The following TUSC3 variants were observed in gnomAD, a reference collection of about 807,000 sequenced individuals.
The protein encoded by TUSC3 is tumor suppressor candidate 3, also known as dolichyl-diphosphooligosaccharide--protein glycosyltransferase subunit TUSC3.
In TUSC3, 45 loss-of-function variants were observed where a neutral mutation model predicts 44.8. The observed-to-expected ratio is 1.00, with a 90% CI of 0.79 to 1.29. The LOEUF (loss-of-function observed/expected upper bound fraction) is 1.29. Ranked by LOEUF, TUSC3 falls within the 50% of genes most tolerant of loss-of-function variation. The pLI, the probability that TUSC3 is intolerant of heterozygous loss-of-function variation, is 0.00. For synonymous variants in TUSC3, 212 were observed against 152.9 expected, an observed-to-expected ratio of 1.39 and a Z score of -2.85; for missense variants, 519 against 437.9, an observed-to-expected ratio of 1.19 and a Z score of -1.65.
intron 1 of TUSC3, among the ~76,000 whole-genome samples, chr8:15,435,924 G>C (rs1013838759): frequency 1.3e-5 from 2 of 152,114 alleles, no homozygotes; most frequent in Non-Finnish European, 2.9e-5. Context: ...CATTGCTTCT[G>C]TTGGTTAGGG....
At chr8:15,501,604 A>G (rs1028755351) in intron 2 of TUSC3, among the ~76,000 whole-genome samples, 2 of 152,188 alleles carry the variant, frequency 1.3e-5, no homozygotes, top group Non-Finnish European at 2.9e-5. Flanking sequence ...AAGAAGCTAC[A>G]ATGGTTTATG....
At chr8:15,783,487 T>A in the TUSC3 span, among the ~76,000 whole-genome samples, 6 of 152,212 alleles carry the variant, frequency 3.9e-5, no homozygotes, top group South Asian at 1.2e-3. Flanking sequence ...TACAAAGCTA[T>A]GGTATTCAAA....
At chr8:15,850,595 A>G in the TUSC3 span, among the ~76,000 whole-genome samples, 3 of 152,270 alleles carry the variant, frequency 2.0e-5, no homozygotes, top group East Asian at 1.9e-4. Context: ...TCAGTAGGCT[A>G]TAAGTTACTG....
At chr8:15,554,806 C>T (rs918113193) in intron 1 of TUSC3, among the ~76,000 whole-genome samples, 3 of 150,706 alleles carry the variant, frequency 2.0e-5, no homozygotes, top group South Asian at 2.1e-4. Flanking sequence ...GGGGTTTCAC[C>T]GTGTTAGCCA....
chr8:15,456,060 G>C (rs985250712), intron 1 of TUSC3, among the ~76,000 whole-genome samples: 1 of 152,150 alleles, frequency 6.6e-6, no homozygotes, highest in African/African-American at 2.4e-5. Context: ...ATGTGTAGGA[G>C]GATCATTTCC....
intron 1 of TUSC3, among the ~76,000 whole-genome samples, chr8:15,581,446 G>A (rs1470724592): frequency 1.3e-5 from 2 of 148,778 alleles, no homozygotes; most frequent in Non-Finnish European, 3.0e-5. Context: ...CATCTTTGTG[G>A]TTTTATCTAC....
In TUSC3 at chr8:15,562,006, A is replaced by G. The variant is rs148411255; in HGVS notation, c.138+21438A>G. 8.6e-3 allele frequency among the ~76,000 whole-genome samples: 1,316 copies of G among 152,264 alleles called. 15 individuals are homozygous for G. Among genetic ancestry groups the G allele is most frequent in the Non-Finnish European group, 0.014 (933 of 68,014 alleles). ...GGAGCTGTAGACAGGAGCTGTTCCT[A>G]TTCGGCCATCTTGGCTCCTCTCTTC... On this transcript the variant is annotated intron_variant, in intron 1 of 10. Coordinates refer to ENST00000503731, the MANE Select transcript of TUSC3 (RefSeq NM_006765.4).
rs147960027 is a variant in TUSC3, at chr8:15,676,589, A to T, written c.798+2753A>T. On this transcript the variant is annotated intron_variant, in intron 6 of 10. Coordinates refer to ENST00000503731, the MANE Select transcript of TUSC3 (RefSeq NM_006765.4). ...GGTATTTCCTGGGTTGTTCCAGGGG[A>T]CATTTTCCAGCGGACATTTGGTAGT... is the stretch of plus-strand genomic sequence containing the variant. 6.7e-4 allele frequency among the ~76,000 whole-genome samples: 102 copies of T among 152,166 alleles called. 1 individual carries two copies. Among genetic ancestry groups the T allele is most frequent in the African/African-American group, 2.4e-3 (99 of 41,520 alleles).
the TUSC3 span, among the ~76,000 whole-genome samples, chr8:15,802,698 C>A: frequency 1.3e-5 from 2 of 151,418 alleles, no homozygotes; most frequent in Non-Finnish European, 2.9e-5. Flanking sequence ...TATGCCCCTA[C>A]TGGTCATATA....
At chr8:15,695,990 A>G (rs1283018085) in intron 6 of TUSC3, among the ~76,000 whole-genome samples, 1 of 152,206 alleles carries the variant, frequency 6.6e-6, no homozygotes, top group Non-Finnish European at 1.5e-5. Context: ...GCAGCCTGAC[A>G]AGGAGATAGA....
downstream of TUSC3, among the ~76,000 whole-genome samples, chr8:15,770,781 T>C (rs1040161541): frequency 6.6e-6 from 1 of 151,990 alleles, no homozygotes; most frequent in African/African-American, 2.4e-5. Context: ...AAAAGACTGT[T>C]AGACACTATC....
At chr8:15,693,890 T>C (rs1809031503) in intron 6 of TUSC3, among the ~76,000 whole-genome samples, 1 of 152,062 alleles carries the variant, frequency 6.6e-6, no homozygotes. Flanking sequence ...GAGCCAGTCT[T>C]TGACCTCTGA....
the TUSC3 span, among the ~76,000 whole-genome samples, chr8:15,781,686 A>C: frequency 6.6e-6 from 1 of 152,330 alleles, no homozygotes; most frequent in South Asian, 2.1e-4. Flanking sequence ...AGCCCAACAC[A>C]AGATAGCTTC....
chr8:15,769,127 A>G (rs990920076), downstream of TUSC3, among the ~76,000 whole-genome samples: 1 of 152,164 alleles, frequency 6.6e-6, no homozygotes, highest in Non-Finnish European at 1.5e-5. Flanking sequence ...GACAATCTTA[A>G]GCAAAAAAAG....
intron 1 of TUSC3, among the ~76,000 whole-genome samples, chr8:15,594,535 A>G (rs1402519617): frequency 3.2e-4 from 48 of 152,178 alleles, no homozygotes; most frequent in Non-Finnish European, 2.4e-4. Flanking sequence ...CTGTGATGCA[A>G]GCAAGTATTT....
chr8:15,487,393 CTCAA>C (rs1800747013), intron 2 of TUSC3, among the ~76,000 whole-genome samples: 1 of 152,110 alleles, frequency 6.6e-6, no homozygotes, highest in Non-Finnish European at 1.5e-5. Context: ...TATTTTCTGC[CTCAA>C]TCAGTTTCTT....
chr8:15,621,902 T>G (rs1421837260), intron 1 of TUSC3, among the ~76,000 whole-genome samples: 1 of 152,062 alleles, frequency 6.6e-6, no homozygotes, highest in African/African-American at 2.4e-5. Context: ...TTACTTTCCT[T>G]CCCTTCCTCC....
intron 2 of TUSC3, among the ~76,000 whole-genome samples, chr8:15,491,820 G>C (rs1800813045): frequency 6.6e-6 from 1 of 152,170 alleles, no homozygotes; most frequent in South Asian, 2.1e-4. Context: ...CTAACAATAA[G>C]TTAATAGCTA....
chr8:15,699,261 GTAAT>G (rs5889595), intron 6 of TUSC3, among the ~76,000 whole-genome samples: 134,605 of 151,906 alleles, frequency 0.89, 59,828 homozygotes, highest in Non-Finnish European at 0.9. Flanking sequence ...TTTATTACTG[GTAAT>G]TAATTAATTC....
Sources: allele counts gnomAD v4.1 joint callset (sites outside exome capture counted in the v4.1 genomes callset), GRCh38; gene constraint gnomAD v4.1.1; transcripts MANE v1.5; gene names NCBI Gene and HGNC (gene_info 2026-07-23, HGNC 2026-07-21).